ZEB2: variants seen among roughly 807,000 people sequenced by gnomAD.
ZEB2 encodes zinc finger E-box-binding homeobox 2.
A neutral mutation model predicts 99.9 loss-of-function variants in ZEB2; 6 were observed. The ratio of observed to expected loss-of-function variants is 0.06; its 90% CI spans 0.03 to 0.12. ZEB2 has a LOEUF of 0.12. ZEB2 is among the 10% of genes least tolerant of loss of function. The pLI is 1.00. For missense variants in ZEB2, 969 were observed against 1,502.8 expected, an observed-to-expected ratio of 0.64 and a Z score of 5.87; for synonymous variants, 517 against 542.5, an observed-to-expected ratio of 0.95 and a Z score of 0.65.
At chr2:144,439,902 T>A (rs879761143) in intron 2 of ZEB2, among the ~76,000 whole-genome samples, 42 of 152,208 alleles carry the variant, frequency 2.8e-4, no homozygotes, top group African/African-American at 9.9e-4. Context: ...AGAATCTTTT[T>A]TTTCCTTCCC....
At chr2:144,499,145 A>T (rs1460059622) in intron 2 of ZEB2, among the ~76,000 whole-genome samples, 1 of 152,226 alleles carries the variant, frequency 6.6e-6, no homozygotes, top group Non-Finnish European at 1.5e-5. Context: ...CTTTATATGG[A>T]GAGATCATTT....
chr2:144,468,523 A>G (rs191369204), intron 2 of ZEB2, among the ~76,000 whole-genome samples: 5 of 152,310 alleles, frequency 3.3e-5, no homozygotes, highest in African/African-American at 9.6e-5. Flanking sequence ...TTTTATGGAT[A>G]CAAGTAAGGA....
intron 2 of ZEB2, among the ~76,000 whole-genome samples, chr2:144,473,954 C>G (rs536386246): frequency 2.0e-5 from 3 of 152,140 alleles, no homozygotes; most frequent in South Asian, 4.1e-4. Flanking sequence ...AATGATTCAT[C>G]CGGTTTTCTC....
At chr2:144,429,308 A>G (rs1703735372) in intron 3 of ZEB2, 2 of 182,220 alleles carry the variant, frequency 1.1e-5, no homozygotes, top group Admixed American at 1.1e-4. Context: ...GAATTCCAAT[A>G]GGAGGTGTCA....
Position 144,413,549 on chromosome 2 carries a change from T to C in ZEB2, c.404-8525A>G, listed in dbSNP as rs967900063. Among the ~76,000 whole-genome samples the C allele has an allele frequency of 8.5e-5, 13 of 152,204 alleles. 1 individual carries two copies. The highest frequency in any genetic ancestry group is 8.5e-4 in the Admixed American group (13 of 15,280). Reference sequence around the variant, plus strand: ...CAAACCTATCTCTTTCTCCACCTTATTTTTAAAAACTCAATGTATGAAGTT... The same window carrying C: ...CAAACCTATCTCTTTCTCCACCTTACTTTTAAAAACTCAATGTATGAAGTT... On this transcript the variant is annotated intron_variant, in intron 4 of 9. Coordinates refer to ENST00000627532, the MANE Select transcript of ZEB2 (RefSeq NM_014795.4).
rs918902453 is a variant in ZEB2, at chr2:144,429,586, C to T, written c.331+183G>A. The T allele has an allele frequency of 2.6e-5, 24 of 921,556 alleles. No individual in the cohort carries two copies. The Admixed American group carries it at 3.8e-4, about 14-fold the overall frequency. The allele number at this position is 921,556 out of a possible 1,614,324, so 57.1% of individuals were successfully genotyped here. On this transcript the variant is annotated intron_variant, in intron 3 of 9. Transcript: ENST00000627532. ...TAATCCCTTCCTAAGATGTAACTGC[C>T]GCAATGTGATAACATTACTATCACT...
Position 144,430,010 on chromosome 2 carries a change from A to G in ZEB2, c.90T>C (p.Asn30=), listed in dbSNP as rs1383569589. The part of the protein sequence containing the change: ...PRRKNVVNYD[N]VVDTGSETDE... ...CTGTTTCAGAACCTGTGTCCACTAC[A>G]TTGTCATAGTTCACCACTGCAGAAG... Residue 30 remains asparagine, a synonymous_variant, in exon 3 of 10, where the codon AAT becomes AAC. Coordinates refer to ENST00000627532, the MANE Select transcript of ZEB2 (RefSeq NM_014795.4). The G allele has an allele frequency of 1.9e-6, 3 of 1,613,436 alleles. No homozygotes were observed. Among genetic ancestry groups the G allele is most frequent in the East Asian group, 2.2e-5 (1 of 44,880 alleles).
chr2:144,520,058 C>G lies in ZEB2; in HGVS notation c.-189G>C, dbSNP rs1705241593. The G allele has an allele frequency of 2.2e-6, 1 of 454,418 alleles. No homozygotes were observed. Among genetic ancestry groups the G allele is most frequent in the African/African-American group, 2.0e-5 (1 of 50,000 alleles). 28.1% of individuals were successfully genotyped at this position (454,418 alleles called of 1,614,324 possible). A position where few individuals can be genotyped will look rare whatever the true frequency, so the allele number is the denominator to read the frequency against. ...GAAACAGCTCCCGGAGCAAACTGTA[C>G]AAAAACCTCGCCAAGAGTGTCGGGA... On this transcript the variant is annotated 5_prime_UTR_variant, in exon 1 of 10. Coordinates refer to ENST00000627532, the MANE Select transcript of ZEB2 (RefSeq NM_014795.4).
chr2:144,515,048 T>TAGGTC (rs1705107876), intron 2 of ZEB2, among the ~76,000 whole-genome samples: 1 of 152,196 alleles, frequency 6.6e-6, no homozygotes, highest in South Asian at 2.1e-4. Context: ...GGCTCTGGCC[T>TAGGTC]GACCTCACTG....
intron 2 of ZEB2, chr2:144,512,487 A>C: frequency 7.8e-7 from 1 of 1,287,226 alleles, no homozygotes; most frequent in South Asian, 1.2e-5. Flanking sequence ...TTCTTTAAGC[A>C]AATTAAGAAG....
chr2:144,429,735 T>C (rs544285641), intron 3 of ZEB2, 34 bp downstream of exon 3: 1 of 1,613,698 alleles, frequency 6.2e-7, no homozygotes, highest in Non-Finnish European at 8.5e-7. Flanking sequence ...GTGAAGATGG[T>C]ACAGGAAGAG....
At chr2:144,473,604 C>G (rs1016228936) in intron 2 of ZEB2, among the ~76,000 whole-genome samples, 2 of 152,024 alleles carry the variant, frequency 1.3e-5, no homozygotes. Flanking sequence ...GTCAGGTGTG[C>G]AGGAATCTGA....
At chr2:144,468,781 T>C (rs1704310700) in intron 2 of ZEB2, among the ~76,000 whole-genome samples, 1 of 152,114 alleles carries the variant, frequency 6.6e-6, no homozygotes, top group Non-Finnish European at 1.5e-5. Flanking sequence ...TATTCTGGGA[T>C]GCTGTTTCTA....
intron 2 of ZEB2, chr2:144,449,490 T>C (rs1704028602): frequency 6.6e-6 from 1 of 152,198 alleles, no homozygotes; most frequent in Non-Finnish European, 1.5e-5. Context: ...TGAACACCTA[T>C]AACAAGTACA....
chr2:144,434,571 C>T (rs143943858), intron 2 of ZEB2, among the ~76,000 whole-genome samples: 26 of 152,252 alleles, frequency 1.7e-4, no homozygotes, highest in African/African-American at 5.8e-4. Context: ...ATTCCCAGTG[C>T]AGAATGCAAT....
At chr2:144,478,589 C>T (rs529473979) in intron 2 of ZEB2, among the ~76,000 whole-genome samples, 1 of 152,290 alleles carries the variant, frequency 6.6e-6, no homozygotes, top group South Asian at 2.1e-4. Context: ...TCAATCCAGC[C>T]CTTTAGGAAA....
At chr2:144,420,890 C>T (rs952364888) in intron 4 of ZEB2, among the ~76,000 whole-genome samples, 12 of 152,114 alleles carry the variant, frequency 7.9e-5, no homozygotes, top group African/African-American at 1.4e-4. Context: ...CACTTATTAT[C>T]GGACTGAAGA....
chr2:144,413,944 T>G (rs1388735595), intron 4 of ZEB2, among the ~76,000 whole-genome samples: 1 of 152,218 alleles, frequency 6.6e-6, no homozygotes, highest in African/African-American at 2.4e-5. Context: ...GTAAAAAAAG[T>G]TCTTCTTTCC....
At chr2:144,481,898 C>T (rs912001535) in intron 2 of ZEB2, among the ~76,000 whole-genome samples, 9 of 152,124 alleles carry the variant, frequency 5.9e-5, no homozygotes, top group Non-Finnish European at 1.2e-4. Flanking sequence ...TGAAACATTT[C>T]TAAAGTAAAA....
Sources: allele counts gnomAD v4.1 joint callset (sites outside exome capture counted in the v4.1 genomes callset), GRCh38; gene constraint gnomAD v4.1.1; transcripts MANE v1.5; gene names NCBI Gene and HGNC (gene_info 2026-07-23, HGNC 2026-07-21).